GABRR1: variants seen among roughly 807,000 people sequenced by gnomAD.
The protein encoded by GABRR1 is gamma-aminobutyric acid type A receptor subunit rho1, also known as gamma-aminobutyric acid receptor subunit rho-1.
A neutral mutation model predicts 55.5 loss-of-function variants in GABRR1; 59 were observed. The observed-to-expected ratio is 1.06, with a 90% CI of 0.86 to 1.32. The LOEUF is 1.32. Ranked by LOEUF, GABRR1 falls within the 40% of genes most tolerant of loss-of-function variation. The pLI is 0.00. For missense variants in GABRR1, 602 were observed against 619.1 expected (o/e 0.97, Z 0.29); for synonymous variants, 213 against 226.0 (o/e 0.94, Z 0.51).
upstream of GABRR1, among the ~76,000 whole-genome samples, chr6:89,219,456 T>C (rs923160068): frequency 6.6e-6 from 1 of 152,152 alleles, no homozygotes; most frequent in Non-Finnish European, 1.5e-5. Context: ...AGCCCAGCTT[T>C]TTTCTGTGAT....
At chr6:89,230,572 C>CTCGGGGG (rs1387017969) in intron 1 of GABRR1, among the ~76,000 whole-genome samples, 2 of 152,216 alleles carry the variant, frequency 1.3e-5, no homozygotes, top group East Asian at 1.9e-4. Context: ...AGTTAGGCTG[C>CTCGGGGG]TCGGGGGTCA....
At chr6:89,180,645 T>C (rs1473826846) in intron 8 of GABRR1, among the ~76,000 whole-genome samples, 157 bp from the exon 9 acceptor site, 1 of 152,158 alleles carries the variant, frequency 6.6e-6, no homozygotes, top group Non-Finnish European at 1.5e-5. Context: ...CTTTCAAGAT[T>C]TAGCTTTTCA....
At position 89,182,029 on chromosome 6, in the gene GABRR1, G is replaced by A. The variant is rs566133651; in HGVS notation, c.825C>T (p.Phe275=). The A allele has an allele frequency of 1.8e-5, 29 of 1,614,126 alleles. No individual in the cohort carries two copies. The African/African-American group carries it at 3.9e-4, about 22-fold the overall frequency. Residue 275 remains phenylalanine, a synonymous_variant, in exon 8 of 10, where the codon TTC becomes TTT. Transcript: ENST00000454853. Reference sequence around the variant, plus strand: ...AGAAGAAGATGTGGCGACGCAACGTGAAATTAATGTAGAGACGGTTGTACC... The same window carrying A: ...AGAAGAAGATGTGGCGACGCAACGTAAAATTAATGTAGAGACGGTTGTACC... ...TGWYNRLYIN[F]TLRRHIFFFL...
chr6:89,209,673 G>A (rs1184127933), intron 1 of GABRR1, among the ~76,000 whole-genome samples: 2 of 152,064 alleles, frequency 1.3e-5, no homozygotes, highest in Non-Finnish European at 2.9e-5. Flanking sequence ...GCAATCCCAA[G>A]AGCCACCACT....
chr6:89,204,205 A>G (rs1772570920), intron 1 of GABRR1, among the ~76,000 whole-genome samples: 1 of 152,206 alleles, frequency 6.6e-6, no homozygotes. Context: ...TCATGAGTTA[A>G]GCCCTTTTGA....
rs374152685 is a variant in GABRR1 at position 89,198,214 on chromosome 6, G to A, written c.378C>T (p.His126=). Residue 126 remains histidine (H), a synonymous_variant, in exon 5 of 10, where the codon CAC becomes CAT. Transcript: ENST00000454853. ...AAGACAGCCTCTCGTCCTTCCAGTAGTGCCTCAGGTAGAGGGTCATCGTAA... is the reference window on the plus strand; with the variant it reads ...AAGACAGCCTCTCGTCCTTCCAGTAATGCCTCAGGTAGAGGGTCATCGTAA... ...MDFTMTLYLR[H]YWKDERLSFP... is the part of the protein sequence containing the mutation. 122 of 1,613,944 alleles carry A rather than the reference G, an allele frequency of 7.6e-5. No individual in the cohort carries two copies. Among genetic ancestry groups the A allele is most frequent in the Non-Finnish European group, 1.0e-4 (119 of 1,179,984 alleles).
chr6:89,183,478 C>T (rs1771795637), intron 7 of GABRR1, among the ~76,000 whole-genome samples: 1 of 138,938 alleles, frequency 7.2e-6, no homozygotes, highest in South Asian at 2.4e-4. Flanking sequence ...ATGTGCTTCC[C>T]TGTGCAGTCA....
In GABRR1 at chr6:89,201,257, A is replaced by G. The variant is rs1195351759; in HGVS notation, c.182T>C (p.Leu61Pro). The change falls in exon 3 of 10, where the codon CTG becomes CCG. Residue 61 changes from leucine (L) to proline (P), a missense_variant. Physicochemically the swap from Leu to Pro is moderately conservative, Grantham distance 98. Around this residue, in one of 3 missense-constraint regions of GABRR1, gnomAD observed 435 missense variants for 424.2 expected, o/e 1.03. Coordinates refer to ENST00000454853, the MANE Select transcript of GABRR1 (RefSeq NM_002042.5). The stretch of plus-strand genomic sequence containing the variant: ...TTTGGTGATGTCAGGACTTCGTCTC[A>G]GAATTGGGCTGCCAAGGGGGAAGAA... Reference protein sequence around the residue: ...EDAHKQVSPILRRSPDITKSP... With the variant: ...EDAHKQVSPIPRRSPDITKSP... 3 of 1,613,602 alleles carry G rather than the reference A, an allele frequency of 1.9e-6. No homozygotes were observed. Among genetic ancestry groups the G allele is most frequent in the East Asian group, 2.2e-5 (1 of 44,886 alleles).
At chr6:89,211,598 A>C (rs1166069540) in intron 1 of GABRR1, among the ~76,000 whole-genome samples, 1 of 152,024 alleles carries the variant, frequency 6.6e-6, no homozygotes, top group Non-Finnish European at 1.5e-5. Flanking sequence ...ATCTGACCCT[A>C]TTGACCACTC....
intron 3 of GABRR1, among the ~76,000 whole-genome samples, chr6:89,200,212 T>TAAATGGCA (rs1772420253): frequency 6.8e-6 from 1 of 147,560 alleles, no homozygotes; most frequent in African/African-American, 2.5e-5. Flanking sequence ...GGAAGAAAAA[T>TAAATGGCA]AAATGGCAAG....
chr6:89,184,855 T>C (rs949744892), intron 7 of GABRR1, among the ~76,000 whole-genome samples: 2 of 151,876 alleles, frequency 1.3e-5, no homozygotes, highest in African/African-American at 4.8e-5. Flanking sequence ...AGACTTCACT[T>C]AGGATTTCTG....
chr6:89,203,358 C>A (rs1772539034), intron 2 of GABRR1, 77 bp downstream of exon 2: 3 of 1,272,816 alleles, frequency 2.4e-6, no homozygotes, highest in Non-Finnish European at 3.5e-6. Flanking sequence ...CGGGGAGGGG[C>A]CCTGCTGAAA....
intron 1 of GABRR1, among the ~76,000 whole-genome samples, chr6:89,224,582 G>A (rs1773167495): frequency 1.3e-5 from 2 of 152,150 alleles, no homozygotes; most frequent in African/African-American, 4.8e-5. Flanking sequence ...TCCTTTGCCT[G>A]ATGTATAGAT....
chr6:89,219,898 T>C, upstream of GABRR1, among the ~76,000 whole-genome samples: 1 of 152,226 alleles, frequency 6.6e-6, no homozygotes, highest in East Asian at 1.9e-4. Flanking sequence ...TTATATCCTC[T>C]TATATAAATC....
At position 89,203,575 on chromosome 6, in the gene GABRR1, AATCT is replaced by A. The variant is rs569725627; in HGVS notation, c.123-94_123-91del. ...CCCCTCTCCCTCCAGATTTGCTTCA[AATCT>A]ATCCAGAATAAAATGTAAAAGAAGA... On this transcript the variant is annotated intron_variant, in intron 1 of 9. Transcript: ENST00000454853. 46 of 900,990 alleles carry A rather than the reference AATCT, an allele frequency of 5.1e-5. No homozygotes were observed. The East Asian group carries it at 1.1e-3, about 21-fold the overall frequency. 55.8% of individuals were successfully genotyped at this position (900,990 alleles called of 1,614,324 possible). A position where few individuals can be genotyped will look rare whatever the true frequency, so the allele number is the denominator to read the frequency against.
chr6:89,230,871 G>T (rs543609972), intron 1 of GABRR1, among the ~76,000 whole-genome samples: 2 of 149,592 alleles, frequency 1.3e-5, no homozygotes, highest in African/African-American at 4.9e-5. Context: ...CCTCGCTGCC[G>T]CCTTGCAGTT....
intron 5 of GABRR1, among the ~76,000 whole-genome samples, chr6:89,194,671 G>C (rs926907144): frequency 3.3e-5 from 5 of 152,076 alleles, no homozygotes; most frequent in Non-Finnish European, 7.4e-5. Context: ...ATTTAACAAA[G>C]AGACTGAAAT....
chr6:89,192,842 G>C (rs551130331), intron 5 of GABRR1, among the ~76,000 whole-genome samples: 1 of 152,302 alleles, frequency 6.6e-6, no homozygotes, highest in Admixed American at 6.5e-5. Flanking sequence ...TTATAGGCCT[G>C]AGCCACCATG....
At chr6:89,211,433 T>A (rs2127806062) in intron 1 of GABRR1, among the ~76,000 whole-genome samples, 1 of 152,318 alleles carries the variant, frequency 6.6e-6, no homozygotes, top group South Asian at 2.1e-4. Flanking sequence ...ACCAAGTTTC[T>A]TGTAAATACT....
Sources: gnomAD v4.1 joint callset for allele counts (sites outside exome capture counted in the v4.1 genomes callset) on GRCh38, gnomAD v4.1.1 for gene constraint, gnomAD v4.1.1 regional missense constraint, MANE v1.5 for transcripts, NCBI Gene and HGNC (gene_info 2026-07-23, HGNC 2026-07-21) for gene names.